CHEK1: variants seen among roughly 807,000 people sequenced by gnomAD.
CHEK1 encodes checkpoint kinase 1, also known as serine/threonine-protein kinase Chk1.
A neutral mutation model predicts 60.2 loss-of-function variants in CHEK1; 32 were observed. That is an observed-to-expected ratio of 0.53 (90% CI 0.40 to 0.71). The LOEUF (loss-of-function observed/expected upper bound fraction) is 0.71, where lower values mean the gene tolerates loss of function less well. CHEK1 is among the 30% of genes least tolerant of loss of function. The pLI is 0.00. For missense variants in CHEK1, 399 were observed against 564.6 expected, an observed-to-expected ratio of 0.71 and a Z score of 2.97; for synonymous variants, 179 against 187.2, an observed-to-expected ratio of 0.96 and a Z score of 0.36.
At chr11:125,671,015 T>A (rs1942190833) in intron 13 of CHEK1, among the ~76,000 whole-genome samples, 1 of 152,098 alleles carries the variant, frequency 6.6e-6, no homozygotes, top group Non-Finnish European at 1.5e-5. Flanking sequence ...CAAGTGATTA[T>A]CCCACCTCAG....
chr11:125,643,586 T>G (rs942426997), intron 8 of CHEK1: 1 of 529,476 alleles, frequency 1.9e-6, no homozygotes, highest in Non-Finnish European at 3.3e-6. Context: ...ATACCTAATT[T>G]GACAAATGAG....
chr11:125,637,254 A>C (rs1447330570), intron 7 of CHEK1, among the ~76,000 whole-genome samples, 195 bp from the exon 8 acceptor site: 1 of 152,162 alleles, frequency 6.6e-6, no homozygotes, highest in African/African-American at 2.4e-5. Context: ...AGATCAGGGA[A>C]GACTACTCCA....
downstream of CHEK1, among the ~76,000 whole-genome samples, chr11:125,657,913 G>A (rs1591425401): frequency 6.6e-6 from 1 of 151,318 alleles, no homozygotes; most frequent in East Asian, 1.9e-4. Context: ...GTACAGATTA[G>A]TGTTTCCATA....
At chr11:125,634,510 A>G (rs1235621345) in intron 6 of CHEK1, among the ~76,000 whole-genome samples, 2 of 151,200 alleles carry the variant, frequency 1.3e-5, no homozygotes, top group African/African-American at 4.9e-5. Flanking sequence ...GTTTTTTTTC[A>G]CAGACGGTCT....
intron 11 of CHEK1, among the ~76,000 whole-genome samples, chr11:125,645,985 A>G (rs1355334424): frequency 1.3e-5 from 2 of 152,210 alleles, no homozygotes; most frequent in Admixed American, 6.5e-5. Context: ...TTTGCATAAC[A>G]TAAGAATCAT....
At chr11:125,647,622 T>A (rs1941551978) in intron 11 of CHEK1, among the ~76,000 whole-genome samples, 1 of 152,162 alleles carries the variant, frequency 6.6e-6, no homozygotes, top group African/African-American at 2.4e-5. Flanking sequence ...ATATATTGAG[T>A]ATTCTTTATT....
At chr11:125,679,216 C>CTTTTTTTTTTTTTTTTTTTTTTTTTT (rs71045115), downstream of CHEK1, among the ~76,000 whole-genome samples, 35 of 121,038 alleles carry the variant, frequency 2.9e-4, 1 homozygote, top group African/African-American at 1.0e-3. Context: ...CCGTCTCTTT[C>CTTTTTTTTTTTTTTTTTTTTTTTTTT]TTTTTTTTTT....
At chr11:125,664,839 CT>C (rs1942071661) in intron 13 of CHEK1, among the ~76,000 whole-genome samples, 1 of 152,112 alleles carries the variant, frequency 6.6e-6, no homozygotes, top group Non-Finnish European at 1.5e-5. Context: ...ACAGAAAAAC[CT>C]TTGCCCAGAC....
chr11:125,662,307 C>G (rs557440656), intron 13 of CHEK1, among the ~76,000 whole-genome samples: 2 of 152,196 alleles, frequency 1.3e-5, no homozygotes, highest in Non-Finnish European at 2.9e-5. Flanking sequence ...AGGGGCAAAG[C>G]AGCTCTTTAG....
In CHEK1 at chr11:125,657,010, T is replaced by C. The variant is rs138368921; in HGVS notation, c.*1690T>C. 81 of 191,808 alleles carry C rather than the reference T, an allele frequency of 4.2e-4. 1 individual carries two copies. In the East Asian group the frequency reaches 6.7e-3, roughly 16 times the overall value. The allele number at this position is 191,808 out of a possible 1,614,324, so 11.9% of individuals were successfully genotyped here. On this transcript the variant is annotated 3_prime_UTR_variant, in exon 13 of 13. Transcript: ENST00000438015. ...AATGCTTTAATGTGTAGGAAGAGTATAGTGTCCTGTTTTGCACAGAAAGGC... is the reference window on the plus strand; with the variant it reads ...AATGCTTTAATGTGTAGGAAGAGTACAGTGTCCTGTTTTGCACAGAAAGGC...
chr11:125,628,322 T>C (rs553177877), intron 3 of CHEK1, among the ~76,000 whole-genome samples: 1 of 152,334 alleles, frequency 6.6e-6, no homozygotes, highest in African/African-American at 2.4e-5. Flanking sequence ...AATACTTAAA[T>C]ATTCGATGTA....
downstream of CHEK1, among the ~76,000 whole-genome samples, chr11:125,660,287 CATATTCAGATCTT>C (rs1289456856): frequency 1.3e-5 from 2 of 152,184 alleles, no homozygotes; most frequent in African/African-American, 4.8e-5. Context: ...CTGAGTTAAT[CATATTCAGATCTT>C]ACATATCTTT....
intron 13 of CHEK1, among the ~76,000 whole-genome samples, chr11:125,664,308 A>G: frequency 7.0e-6 from 1 of 143,740 alleles, no homozygotes; most frequent in Admixed American, 7.2e-5. Context: ...ATCTCAGCTC[A>G]CTGCAACCTC....
intron 11 of CHEK1, among the ~76,000 whole-genome samples, chr11:125,647,048 G>A (rs1941531678): frequency 6.6e-6 from 1 of 152,090 alleles, no homozygotes; most frequent in Non-Finnish European, 1.5e-5. Context: ...CCTGATGTAA[G>A]ATTGTAAAGA....
At chr11:125,679,270 T>TC (rs967803610), downstream of CHEK1, among the ~76,000 whole-genome samples, 2 of 137,952 alleles carry the variant, frequency 1.4e-5, no homozygotes, top group Non-Finnish European at 3.1e-5. Context: ...CAGGCTGGAG[T>TC]ACAGTGGCAC....
chr11:125,651,462 A>G (rs1390825237), intron 11 of CHEK1, among the ~76,000 whole-genome samples: 1 of 151,724 alleles, frequency 6.6e-6, no homozygotes, highest in Admixed American at 6.6e-5. Flanking sequence ...TAATTTTTGT[A>G]TTTTTAGTAC....
chr11:125,647,803 A>G (rs1379878808), intron 11 of CHEK1, among the ~76,000 whole-genome samples: 33 of 152,202 alleles, frequency 2.2e-4, no homozygotes, highest in Admixed American at 2.2e-3. Flanking sequence ...ATTTTATACA[A>G]TGTTTTAAAT....
chr11:125,658,653 A>T (rs182237924), downstream of CHEK1, among the ~76,000 whole-genome samples: 14 of 136,832 alleles, frequency 1.0e-4, no homozygotes, highest in African/African-American at 3.5e-4. Context: ...GTATGTAATC[A>T]TGTAATCTTC....
intron 13 of CHEK1, chr11:125,675,917 A>AT (rs577600886): frequency 1.4e-3 from 218 of 155,322 alleles, no homozygotes; most frequent in Non-Finnish European, 2.3e-3. Flanking sequence ...TTCTTTCTTT[A>AT]TTTTTTTTAG....
Sources: allele counts gnomAD v4.1 joint callset (sites outside exome capture counted in the v4.1 genomes callset), GRCh38; gene constraint gnomAD v4.1.1; transcripts MANE v1.5; gene names NCBI Gene and HGNC (gene_info 2026-07-23, HGNC 2026-07-21).